UBE4B: variants seen among roughly 807,000 people sequenced by gnomAD.
The protein encoded by UBE4B is ubiquitination factor E4B.
Under a neutral mutation model 148.1 loss-of-function variants are expected in UBE4B, and 27 were observed. The observed-to-expected ratio is 0.18, with a 90% CI of 0.13 to 0.25. UBE4B has a LOEUF of 0.25. Among genes scored for constraint, UBE4B ranks in the 10% least tolerant of loss-of-function variants. The probability of loss-of-function intolerance (pLI) is 1.00; values close to 1 mark genes in which losing one functional copy is unlikely to be tolerated. For synonymous variants in UBE4B, 596 were observed against 619.3 expected, an observed-to-expected ratio of 0.96 and a Z score of 0.56; for missense variants, 1,170 against 1,662.4, an observed-to-expected ratio of 0.70 and a Z score of 5.15.
At chr1:10,110,646 A>C (rs1182437966) in intron 7 of UBE4B, among the ~76,000 whole-genome samples, 1 of 152,240 alleles carries the variant, frequency 6.6e-6, no homozygotes, top group East Asian at 1.9e-4. Context: ...TGATGACTAG[A>C]AAGAAATTTG....
At chr1:10,055,139 T>G (rs1456194091) in intron 1 of UBE4B, among the ~76,000 whole-genome samples, 1 of 152,088 alleles carries the variant, frequency 6.6e-6, no homozygotes, top group African/African-American at 2.4e-5. Context: ...GATTTCTAGT[T>G]TAGGGAAACA....
chr1:10,078,330 A>G (rs1644618555), intron 2 of UBE4B, among the ~76,000 whole-genome samples: 1 of 152,082 alleles, frequency 6.6e-6, no homozygotes, highest in Non-Finnish European at 1.5e-5. Context: ...TTTTATATTT[A>G]AAATGTAGGG....
chr1:10,085,850 C>T (rs1644756184), intron 2 of UBE4B, among the ~76,000 whole-genome samples: 1 of 152,050 alleles, frequency 6.6e-6, no homozygotes, highest in African/African-American at 2.4e-5. Context: ...AGTACAGTGG[C>T]GCGATTTTGC....
chr1:10,048,651 C>T (rs1643964640), intron 1 of UBE4B, among the ~76,000 whole-genome samples: 1 of 152,130 alleles, frequency 6.6e-6, no homozygotes, highest in Non-Finnish European at 1.5e-5. Context: ...TCAACTGTGT[C>T]TAATGTTGAT....
intron 22 of UBE4B, among the ~76,000 whole-genome samples, chr1:10,160,214 G>A (rs1344088967): frequency 6.6e-6 from 1 of 152,138 alleles, no homozygotes; most frequent in Non-Finnish European, 1.5e-5. Context: ...GAGGCTTCCA[G>A]TTTTAAAGTA....
intron 3 of UBE4B, among the ~76,000 whole-genome samples, chr1:10,098,568 C>T (rs930730703): frequency 6.6e-6 from 1 of 152,192 alleles, no homozygotes; most frequent in Non-Finnish European, 1.5e-5. Context: ...GTTCCTCCTC[C>T]GTCCCTCTCT....
chr1:10,068,349 CTTTTTCTTTTTTT>C (rs1308077193), intron 1 of UBE4B, among the ~76,000 whole-genome samples: 4 of 144,456 alleles, frequency 2.8e-5, no homozygotes, highest in Non-Finnish European at 4.6e-5. Flanking sequence ...TTTCTTTTTT[CTTTTTCTTTTTTT>C]TTTTTGAGCA....
chr1:10,125,041 T>C (rs1645470004), intron 10 of UBE4B, among the ~76,000 whole-genome samples: 1 of 152,052 alleles, frequency 6.6e-6, no homozygotes, highest in Non-Finnish European at 1.5e-5. Context: ...CAGGAGAATC[T>C]CTTGAACCCG....
intron 17 of UBE4B, 25 bp downstream of exon 17, chr1:10,137,230 G>C (rs772856980): frequency 1.2e-6 from 2 of 1,612,374 alleles, no homozygotes; most frequent in South Asian, 2.2e-5. Context: ...ACCGTGTCCT[G>C]GGATTGCCTG....
At chr1:10,052,034 G>T (rs902956414) in intron 1 of UBE4B, among the ~76,000 whole-genome samples, 1 of 151,946 alleles carries the variant, frequency 6.6e-6, no homozygotes, top group Non-Finnish European at 1.5e-5. Flanking sequence ...TTCCCTGTCA[G>T]TGCTTGGTAT....
At chr1:10,127,041 G>A (rs1402746846) in intron 11 of UBE4B, among the ~76,000 whole-genome samples, 164 bp downstream of exon 11, 1 of 152,166 alleles carries the variant, frequency 6.6e-6, no homozygotes, top group African/African-American at 2.4e-5. Context: ...GCAGTGAGAT[G>A]CATCAGTGAA....
At chr1:10,156,143 C>A (rs1159144534) in intron 21 of UBE4B, among the ~76,000 whole-genome samples, 1 of 151,030 alleles carries the variant, frequency 6.6e-6, no homozygotes, top group Non-Finnish European at 1.5e-5. Context: ...GGAATTAGAA[C>A]TTGGGCTGGT....
Position 10,105,595 on chromosome 1 carries a change from C to A in UBE4B, c.660C>A (p.Asn220Lys). 1 of 1,614,204 alleles carries A rather than the reference C, an allele frequency of 6.2e-7. No individual in the cohort carries two copies. The highest frequency in any genetic ancestry group is 8.5e-7 in the Non-Finnish European group (1 of 1,180,052). ...LMMSTQTRDENPFASLTATSQ... is the reference protein window; with the variant it reads ...LMMSTQTRDEKPFASLTATSQ... Reference sequence around the variant, plus strand: ...TGTCCACTCAGACCAGAGATGAAAACCCATTTGCCAGTCTGACAGCCACAT... The same window carrying A: ...TGTCCACTCAGACCAGAGATGAAAAACCATTTGCCAGTCTGACAGCCACAT... Residue 220 changes from asparagine (N) to lysine (K), a missense_variant, in exon 6 of 28, where the codon AAC (asparagine) becomes AAA (lysine). By Grantham distance (94) the Asn-to-Lys change is moderately conservative (BLOSUM62 0). This residue lies in a region of UBE4B where 91 missense variants were observed against 120.5 expected (regional missense o/e 0.76). Coordinates refer to ENST00000343090, the MANE Select transcript of UBE4B (RefSeq NM_001105562.3).
Position 10,108,172 on chromosome 1 carries a change from C to T in UBE4B, c.1196+1589C>T, listed in dbSNP as rs530369613. ...GTGTGTGTGTGTGTGTGTGTGCGTGCGTGCTCCCTTCCCACCCCCTCCCAG... is the reference window on the plus strand; with the variant it reads ...GTGTGTGTGTGTGTGTGTGTGCGTGTGTGCTCCCTTCCCACCCCCTCCCAG... On this transcript the variant is annotated intron_variant, in intron 7 of 27. Transcript: ENST00000343090. Among the ~76,000 whole-genome samples, 7 of 151,330 alleles carry T rather than the reference C, an allele frequency of 4.6e-5. No individual in the cohort carries two copies. In the South Asian group the frequency reaches 8.4e-4, roughly 18 times the overall value.
chr1:10,099,106 G>T (rs1644970602), intron 3 of UBE4B, among the ~76,000 whole-genome samples: 2 of 152,096 alleles, frequency 1.3e-5, no homozygotes, highest in African/African-American at 4.8e-5. Flanking sequence ...GCCGGGCATG[G>T]TGGTGCGTGC....
At position 10,179,898 on chromosome 1, in the gene UBE4B, C is replaced by T. The variant is rs773361650; in HGVS notation, c.3851C>T (p.Pro1284Leu). ...TLTESMLEPV[P>L]ELKEQIQAWM... Reference sequence around the variant, plus strand: ...CCTCCTTTTTTTCTTTTCTCAGTGCCAGAACTGAAAGAGCAGATTCAGGCG... The same window carrying T: ...CCTCCTTTTTTTCTTTTCTCAGTGCTAGAACTGAAAGAGCAGATTCAGGCG... The change falls in exon 28 of 28, where the codon CCA becomes CTA. Residue 1284 changes from proline to leucine, a missense_variant. Pro to Leu is a moderately conservative substitution (Grantham distance 98, BLOSUM62 -3). Coordinates refer to ENST00000343090, the MANE Select transcript of UBE4B (RefSeq NM_001105562.3). 2.5e-6 allele frequency: 4 copies of T among 1,613,928 alleles called. No individual in the cohort carries two copies. Among genetic ancestry groups the T allele is most frequent in the Admixed American group, 1.7e-5 (1 of 59,990 alleles).
At chr1:10,087,729 G>GT (rs1037445303) in intron 2 of UBE4B, among the ~76,000 whole-genome samples, 1 of 152,146 alleles carries the variant, frequency 6.6e-6, no homozygotes, top group African/African-American at 2.4e-5. Context: ...GCTTGAGTTA[G>GT]TGCTGGCCGT....
chr1:10,066,263 G>C (rs1002558663), intron 1 of UBE4B, among the ~76,000 whole-genome samples: 3 of 151,622 alleles, frequency 2.0e-5, no homozygotes, highest in African/African-American at 7.3e-5. Flanking sequence ...ACTACACATC[G>C]TGTGTGCCAC....
intron 22 of UBE4B, among the ~76,000 whole-genome samples, chr1:10,160,167 CATTA>C (rs1646138653): frequency 6.6e-6 from 1 of 152,170 alleles, no homozygotes; most frequent in Admixed American, 6.5e-5. Context: ...AGCAAGTTCT[CATTA>C]TAACACGATC....
Sources: allele counts gnomAD v4.1 joint callset (sites outside exome capture counted in the v4.1 genomes callset), GRCh38; gene constraint gnomAD v4.1.1; regional missense constraint gnomAD v4.1.1; transcripts MANE v1.5; gene names NCBI Gene and HGNC (gene_info 2026-07-23, HGNC 2026-07-21).